Variants in NECAB1 observed in about 807,000 individuals in gnomAD.
NECAB1 encodes the protein N-terminal EF-hand calcium-binding protein 1.
A neutral mutation model predicts 57.5 loss-of-function variants in NECAB1; 29 were observed. The observed-to-expected ratio is 0.50, with a 90% CI of 0.38 to 0.69. The LOEUF (loss-of-function observed/expected upper bound fraction) is 0.69, where lower values mean the gene tolerates loss of function less well. NECAB1 is among the 30% of genes least tolerant of loss of function. The probability of loss-of-function intolerance (pLI) is 0.00; values close to 1 mark genes in which losing one functional copy is unlikely to be tolerated. For missense variants in NECAB1, 372 were observed against 413.8 expected, an observed-to-expected ratio of 0.90 and a Z score of 0.88; for synonymous variants, 142 against 147.7, an observed-to-expected ratio of 0.96 and a Z score of 0.28.
At position 90,906,891 on chromosome 8, in the gene NECAB1, A is replaced by ATATATATATATATGTATATATATATGTG. The variant is rs371995508; in HGVS notation, c.358-10588_358-10587insGTATATATATATGTGTATATATATATAT. On this transcript the variant is annotated intron_variant, in intron 5 of 12. Transcript: ENST00000417640. ...ATGATATACACATATATATATATAT[A>ATATATATATATATGTATATATATATGTG]TATATATATATATATATATCTTCTC... 3.9e-4 allele frequency among the ~76,000 whole-genome samples: 44 copies of ATATATATATATATGTATATATATATGTG among 113,400 alleles called. 1 individual carries two copies. The highest frequency in any genetic ancestry group is 1.6e-3 in the African/African-American group (41 of 24,942). 74.4% of individuals were successfully genotyped at this position (113,400 alleles called of 152,430 possible).
At chr8:90,920,480 C>T (rs1810080940) in intron 6 of NECAB1, among the ~76,000 whole-genome samples, 1 of 152,178 alleles carries the variant, frequency 6.6e-6, no homozygotes, top group African/African-American at 2.4e-5. Flanking sequence ...TATACCTTTC[C>T]TATGATGTCA....
At chr8:90,918,730 C>T (rs1458117401) in intron 6 of NECAB1, among the ~76,000 whole-genome samples, 3 of 152,122 alleles carry the variant, frequency 2.0e-5, no homozygotes, top group African/African-American at 7.2e-5. Flanking sequence ...CCTCCTGTTA[C>T]CCACCTCTCA....
At chr8:90,914,288 C>A (rs906317947) in intron 5 of NECAB1, among the ~76,000 whole-genome samples, 1 of 152,016 alleles carries the variant, frequency 6.6e-6, no homozygotes, top group Admixed American at 6.6e-5. Context: ...AATTCTATAT[C>A]CTAGGTAGGG....
At chr8:90,937,255 C>A (rs1246237780) in intron 9 of NECAB1, among the ~76,000 whole-genome samples, 15 of 152,050 alleles carry the variant, frequency 9.9e-5, no homozygotes, top group Admixed American at 9.8e-4. Flanking sequence ...ATGTTCCAGG[C>A]CTGGAGATAG....
intron 3 of NECAB1, among the ~76,000 whole-genome samples, chr8:90,826,372 T>A (rs990588858): frequency 4.6e-5 from 7 of 151,908 alleles, no homozygotes; most frequent in Non-Finnish European, 7.4e-5. Context: ...GCAACGTCTT[T>A]ATAGGTAATT....
intron 5 of NECAB1, among the ~76,000 whole-genome samples, chr8:90,916,734 G>A (rs1809962250): frequency 6.6e-6 from 1 of 152,154 alleles, no homozygotes; most frequent in African/African-American, 2.4e-5. Context: ...GACAAGCACA[G>A]CAGGTGGTAC....
chr8:90,876,905 C>T (rs1041140374), intron 4 of NECAB1, among the ~76,000 whole-genome samples: 1 of 152,206 alleles, frequency 6.6e-6, no homozygotes, highest in African/African-American at 2.4e-5. Flanking sequence ...ATGAAACCCA[C>T]ATACAGGTTT....
At chr8:90,796,231 C>A (rs1014291737) in intron 1 of NECAB1, among the ~76,000 whole-genome samples, 8 of 152,156 alleles carry the variant, frequency 5.3e-5, no homozygotes, top group Non-Finnish European at 8.8e-5. Flanking sequence ...ATGGGAGAGA[C>A]TCCCATCTGA....
At chr8:90,938,565 TTTAAA>T (rs775791712) in intron 9 of NECAB1, among the ~76,000 whole-genome samples, 10 of 152,240 alleles carry the variant, frequency 6.6e-5, no homozygotes, top group Non-Finnish European at 1.5e-4. Context: ...GAAAATCTAC[TTTAAA>T]TTAACTATTA....
chr8:90,812,345 G>T (rs1206613261), intron 2 of NECAB1, among the ~76,000 whole-genome samples: 1 of 152,170 alleles, frequency 6.6e-6, no homozygotes, highest in Admixed American at 6.5e-5. Context: ...TTCTACGAAA[G>T]CCTGAGTAAA....
At chr8:90,939,717 T>G (rs557321420) in intron 9 of NECAB1, among the ~76,000 whole-genome samples, 8 of 152,232 alleles carry the variant, frequency 5.3e-5, no homozygotes, top group Non-Finnish European at 1.2e-4. Flanking sequence ...ACTAAACCCA[T>G]GTGCTTTGGT....
intron 5 of NECAB1, among the ~76,000 whole-genome samples, chr8:90,885,203 T>G (rs1361152512): frequency 6.6e-6 from 1 of 152,172 alleles, no homozygotes; most frequent in African/African-American, 2.4e-5. Flanking sequence ...AGATGAGTAG[T>G]TCAGGCAAAG....
chr8:90,865,139 G>A (rs1306236944), intron 3 of NECAB1, among the ~76,000 whole-genome samples: 4 of 152,120 alleles, frequency 2.6e-5, no homozygotes, highest in Admixed American at 2.6e-4. Flanking sequence ...GAAGTAGCAG[G>A]TGGTAGAAGA....
chr8:90,795,898 G>A (rs1295476416), intron 1 of NECAB1, among the ~76,000 whole-genome samples: 1 of 152,158 alleles, frequency 6.6e-6, no homozygotes, highest in African/African-American at 2.4e-5. Context: ...ATACCTAGGT[G>A]ATGGATTGAT....
chr8:90,920,336 G>T (rs1217675859), intron 6 of NECAB1, among the ~76,000 whole-genome samples: 1 of 152,120 alleles, frequency 6.6e-6, no homozygotes, highest in African/African-American at 2.4e-5. Flanking sequence ...CCAGACTGAA[G>T]CACGTGAATT....
In NECAB1 at chr8:90,791,798, CG is replaced by C; in HGVS notation, c.-87del. Reference sequence around the variant, plus strand: ...CCCTCCCGGATCCAGAGCCCGGCGGCGGCGAAGCAGCAGCTGCGGCCGCGCC... The same window carrying C: ...CCCTCCCGGATCCAGAGCCCGGCGGCGCGAAGCAGCAGCTGCGGCCGCGCC... On this transcript the variant is annotated 5_prime_UTR_variant, in exon 1 of 13. Coordinates refer to ENST00000417640, the MANE Select transcript of NECAB1 (RefSeq NM_022351.5). 1 of 1,040,174 alleles carries C rather than the reference CG, an allele frequency of 9.6e-7. No homozygotes were observed. Among genetic ancestry groups the C allele is most frequent in the Non-Finnish European group, 1.4e-6 (1 of 708,488 alleles). The allele number at this position is 1,040,174 out of a possible 1,614,324, so 64.4% of individuals were successfully genotyped here. A position where few individuals can be genotyped will look rare whatever the true frequency, so the allele number is the denominator to read the frequency against.
At position 90,927,799 on chromosome 8, in the gene NECAB1, C is replaced by A. The variant is rs1033867317; in HGVS notation, c.617-424C>A. Among the ~76,000 whole-genome samples, 20 of 135,190 alleles carry A rather than the reference C, an allele frequency of 1.5e-4. No individual in the cohort carries two copies. In the Middle Eastern group the frequency reaches 0.011, roughly 72 times the overall value. 88.7% of individuals were successfully genotyped at this position (135,190 alleles called of 152,430 possible). ...GAAAGGAGACACCAACTATCTTGCC[C>A]TTATGGTTTTTTTTTTTATCGTAGC... On this transcript the variant is annotated intron_variant, in intron 7 of 12. Transcript: ENST00000417640.
intron 3 of NECAB1, among the ~76,000 whole-genome samples, chr8:90,839,408 G>T (rs1812420618): frequency 6.6e-6 from 1 of 152,198 alleles, no homozygotes; most frequent in African/African-American, 2.4e-5. Flanking sequence ...TGTTCTCCAT[G>T]TGCAAGTTAT....
chr8:90,931,866 T>C (rs932533486), intron 8 of NECAB1, among the ~76,000 whole-genome samples: 5 of 152,010 alleles, frequency 3.3e-5, no homozygotes, highest in Non-Finnish European at 5.9e-5. Flanking sequence ...ATCGTGCCAC[T>C]TCACTCCAGC....
Sources: gnomAD v4.1 joint callset for allele counts (sites outside exome capture counted in the v4.1 genomes callset) on GRCh38, gnomAD v4.1.1 for gene constraint, MANE v1.5 for transcripts, NCBI Gene and HGNC (gene_info 2026-07-23, HGNC 2026-07-21) for gene names.